Variants in ENTPD1 observed in about 807,000 individuals in gnomAD.
The protein encoded by ENTPD1 is ATP diphosphohydrolase.
In ENTPD1, 33 loss-of-function variants were observed where a neutral mutation model predicts 57.0. That is an observed-to-expected ratio of 0.58 (90% CI 0.44 to 0.77). ENTPD1 has a LOEUF of 0.77. Among genes scored for constraint, ENTPD1 ranks in the 30% least tolerant of loss-of-function variants. The pLI, the probability that ENTPD1 is intolerant of heterozygous loss-of-function variation, is 0.00. For synonymous variants in ENTPD1, 202 were observed against 218.8 expected (o/e 0.92, Z 0.68); for missense variants, 501 against 603.4 (o/e 0.83, Z 1.78).
Position 95,806,446 on chromosome 10 carries a change from C to G in ENTPD1, c.17-16791C>G, listed in dbSNP as rs575057011. 5.9e-5 allele frequency among the ~76,000 whole-genome samples: 9 copies of G among 152,226 alleles called. No individual in the cohort carries two copies. In the South Asian group the frequency reaches 1.9e-3, roughly 32 times the overall value. On this transcript the variant is annotated intron_variant, in intron 1 of 9. Transcript: ENST00000371205. ...TGGGTTTGAACATGCTCCTTTAGTT[C>G]AGAGAAGTTTGTTATTACTAACCTT...
chr10:95,713,431 T>G (rs1400087529), intron 1 of ENTPD1, among the ~76,000 whole-genome samples: 1 of 152,234 alleles, frequency 6.6e-6, no homozygotes, highest in East Asian at 1.9e-4. Flanking sequence ...GCTTAGAAAT[T>G]CTCTTGACAA....
In ENTPD1 at chr10:95,869,975, G is replaced by T. The variant is rs546199161; in HGVS notation, c.*3592G>T. 5 of 985,404 alleles carry T rather than the reference G, an allele frequency of 5.1e-6. No homozygotes were observed. In the East Asian group the frequency reaches 4.5e-4, roughly 89 times the overall value. 61.0% of individuals were successfully genotyped at this position (985,404 alleles called of 1,614,324 possible). On this transcript the variant is annotated 3_prime_UTR_variant, in exon 10 of 10. Transcript: ENST00000371205. The stretch of plus-strand genomic sequence containing the variant: ...ACATGTCCAAAAAAATACACGTAAA[G>T]TTAAAGTTTAAAAGACACAGGAACT...
intron 1 of ENTPD1, among the ~76,000 whole-genome samples, chr10:95,779,512 G>T (rs2098147918): frequency 6.6e-6 from 1 of 152,102 alleles, no homozygotes; most frequent in African/African-American, 2.4e-5. Context: ...TGCTGGAGTT[G>T]GCTTAGTTTC....
At chr10:95,782,396 A>G (rs1471530633) in intron 1 of ENTPD1, among the ~76,000 whole-genome samples, 1 of 152,180 alleles carries the variant, frequency 6.6e-6, no homozygotes, top group Admixed American at 6.5e-5. Context: ...CTGGGTAGGT[A>G]TGTCCAGAAT....
chr10:95,805,467 A>C (rs559003946), intron 1 of ENTPD1, among the ~76,000 whole-genome samples: 64 of 152,292 alleles, frequency 4.2e-4, no homozygotes, highest in African/African-American at 1.5e-3. Context: ...ATGTCTTTTA[A>C]TTGGGACATT....
At chr10:95,813,975 G>A (rs980251269) in intron 1 of ENTPD1, among the ~76,000 whole-genome samples, 8 of 152,212 alleles carry the variant, frequency 5.3e-5, no homozygotes, top group African/African-American at 1.9e-4. Context: ...ACCAAGGCTT[G>A]TTGACAAATG....
At chr10:95,827,984 T>C (rs987368122) in intron 2 of ENTPD1, among the ~76,000 whole-genome samples, 6 of 152,034 alleles carry the variant, frequency 3.9e-5, no homozygotes, top group Non-Finnish European at 8.8e-5. Flanking sequence ...TAGAAATGGA[T>C]GAGGTCATCT....
Position 95,816,685 on chromosome 10 carries a change from C to G in ENTPD1, c.17-6552C>G, listed in dbSNP as rs536851310. On this transcript the variant is annotated intron_variant, in intron 1 of 9. Transcript: ENST00000371205. ...GACAAGAAAGACATCTCCTCCAGAA[C>G]CTTCAAAGGGAGCATGCCCCTGCTG... is the stretch of plus-strand genomic sequence containing the variant. Among the ~76,000 whole-genome samples the G allele has an allele frequency of 2.7e-4, 41 of 152,276 alleles. No individual in the cohort carries two copies. The South Asian group carries it at 7.5e-3, about 28-fold the overall frequency.
the ENTPD1 span, among the ~76,000 whole-genome samples, chr10:95,700,444 G>A: frequency 6.6e-6 from 1 of 152,176 alleles, no homozygotes; most frequent in African/African-American, 2.4e-5. Flanking sequence ...TGAAGCAGGA[G>A]GATCGCTTGA....
intron 1 of ENTPD1, among the ~76,000 whole-genome samples, chr10:95,821,995 C>CTT (rs2098353626): frequency 8.4e-6 from 1 of 119,656 alleles, no homozygotes; most frequent in African/African-American, 3.2e-5. Context: ...GTAGCTTTTG[C>CTT]CTTTTTTTTT....
At chr10:95,830,760 G>T (rs552067564) in intron 2 of ENTPD1, among the ~76,000 whole-genome samples, 2 of 152,018 alleles carry the variant, frequency 1.3e-5, no homozygotes, top group Non-Finnish European at 2.9e-5. Context: ...CTGAGATCAC[G>T]CCACTGTACT....
At position 95,874,679 on chromosome 10, in the gene ENTPD1, C is replaced by T. The variant is rs2098484012; in HGVS notation, c.*8296C>T. Among the ~76,000 whole-genome samples the T allele has an allele frequency of 6.6e-6, 1 of 152,238 alleles. No individual in the cohort carries two copies. The highest frequency in any genetic ancestry group is 6.5e-5 in the Admixed American group (1 of 15,286). On this transcript the variant is annotated 3_prime_UTR_variant, in exon 10 of 10. Transcript: ENST00000371205. ...GGCTCTGCCCCACATTTCCCTTCCA[C>T]ACTGCCCTAGGAGAGGTTCCCCATG...
chr10:95,809,870 G>A (rs1221445829), intron 1 of ENTPD1, among the ~76,000 whole-genome samples: 1 of 148,588 alleles, frequency 6.7e-6, no homozygotes, highest in Non-Finnish European at 1.5e-5. Context: ...TCCCAGATGG[G>A]GCAGTGGCCA....
chr10:95,832,587 AT>A (rs2098399782), intron 2 of ENTPD1, among the ~76,000 whole-genome samples: 1 of 152,186 alleles, frequency 6.6e-6, no homozygotes, highest in African/African-American at 2.4e-5. Flanking sequence ...AACATTCCAC[AT>A]TTTGGCACAC....
chr10:95,783,115 T>C (rs181146341), intron 1 of ENTPD1, among the ~76,000 whole-genome samples: 1 of 152,236 alleles, frequency 6.6e-6, no homozygotes, highest in Non-Finnish European at 1.5e-5. Context: ...TGGACAAAAA[T>C]GAATTTTGTA....
At chr10:95,762,910 A>T (rs897847896) in intron 1 of ENTPD1, among the ~76,000 whole-genome samples, 1 of 152,056 alleles carries the variant, frequency 6.6e-6, no homozygotes, top group Non-Finnish European at 1.5e-5. Flanking sequence ...TTTCTTAATT[A>T]CAGTAAATTT....
chr10:95,779,548 A>G (rs532108907), intron 1 of ENTPD1, among the ~76,000 whole-genome samples: 1 of 152,132 alleles, frequency 6.6e-6, no homozygotes, highest in Non-Finnish European at 1.5e-5. Context: ...ATGTGCTGCA[A>G]CTTCTTTTCC....
chr10:95,721,924 T>C (rs2097977908), intron 1 of ENTPD1, among the ~76,000 whole-genome samples: 2 of 152,318 alleles, frequency 1.3e-5, no homozygotes, highest in South Asian at 4.1e-4. Context: ...TTTACCAGCA[T>C]GCCCAACATT....
chr10:95,775,437 G>A (rs2098130390), intron 1 of ENTPD1, among the ~76,000 whole-genome samples: 2 of 152,172 alleles, frequency 1.3e-5, no homozygotes, highest in Admixed American at 1.3e-4. Flanking sequence ...TCCAGTTTTT[G>A]CCCATTCAGT....
Sources: allele counts gnomAD v4.1 joint callset (sites outside exome capture counted in the v4.1 genomes callset), GRCh38; gene constraint gnomAD v4.1.1; transcripts MANE v1.5; gene names NCBI Gene and HGNC (gene_info 2026-07-23, HGNC 2026-07-21).